ZNF184: variants seen among roughly 807,000 people sequenced by gnomAD.
ZNF184 encodes the protein zinc finger protein 184 (Kruppel-like).
ZNF184 carries 16 observed loss-of-function variants against 54.4 expected under a neutral mutation model. That is an observed-to-expected ratio of 0.29 (90% CI 0.20 to 0.45). The LOEUF (loss-of-function observed/expected upper bound fraction) is 0.45. ZNF184 is among the 20% of genes least tolerant of loss of function. ZNF184 has a pLI of 1.00. For missense variants in ZNF184, 681 were observed against 888.2 expected (o/e 0.77, Z 2.97); for synonymous variants, 254 against 295.3 (o/e 0.86, Z 1.43).
At chr6:27,466,057 G>T (rs6920010) in intron 3 of ZNF184, among the ~76,000 whole-genome samples, 99,054 of 151,924 alleles carry the variant, frequency 0.65, 32,602 homozygotes, top group Middle Eastern at 0.76. Flanking sequence ...GGTGAGCCTA[G>T]AGTAATCACA....
At chr6:27,430,837 A>G in the ZNF184 span, among the ~76,000 whole-genome samples, 35 of 152,338 alleles carry the variant, frequency 2.3e-4, no homozygotes, top group African/African-American at 7.9e-4. Flanking sequence ...TTTTACTACA[A>G]TTGCTAAAAG....
At chr6:27,457,185 T>C (rs1762877481) in intron 4 of ZNF184, 98 bp downstream of exon 4, 1 of 1,454,740 alleles carries the variant, frequency 6.9e-7, no homozygotes, top group Non-Finnish European at 9.3e-7. Context: ...AATTTAGAAA[T>C]GGTTGGTTAC....
At chr6:27,463,974 G>GCGCTA (rs1401286794) in intron 3 of ZNF184, among the ~76,000 whole-genome samples, 1 of 151,776 alleles carries the variant, frequency 6.6e-6, no homozygotes, top group African/African-American at 2.4e-5. Context: ...CTCAACCTTG[G>GCGCTA]CGCTATTGAT....
At chr6:27,444,072 C>T in the ZNF184 span, among the ~76,000 whole-genome samples, 2,609 of 152,236 alleles carry the variant, frequency 0.017, 47 homozygotes, top group African/African-American at 0.045. Flanking sequence ...TGGTACTACC[C>T]TCCAATCCTA....
In ZNF184 at chr6:27,472,188, C is replaced by G. The variant is rs1297109805; in HGVS notation, c.7+100G>C. 1.3e-5 allele frequency: 20 copies of G among 1,515,050 alleles called. No individual in the cohort carries two copies. Among genetic ancestry groups the G allele is most frequent in the Non-Finnish European group, 1.7e-5 (19 of 1,102,962 alleles). 93.9% of individuals were successfully genotyped at this position (1,515,050 alleles called of 1,614,324 possible). Reference sequence around the variant, plus strand: ...CTAATCCCTAAGCATACCGTTCCTTCCTTCCAAATCTCCTGCTCTGATCTC... The same window carrying G: ...CTAATCCCTAAGCATACCGTTCCTTGCTTCCAAATCTCCTGCTCTGATCTC... On this transcript the variant is annotated intron_variant, in intron 2 of 5. Coordinates refer to ENST00000683788, the MANE Select transcript of ZNF184 (RefSeq NM_001318891.2). The surrounding 1 kb of genome is among the most constrained non-coding windows in gnomAD (Gnocchi z 4.8).
intron 3 of ZNF184, among the ~76,000 whole-genome samples, chr6:27,460,402 T>C (rs1405742294): frequency 2.0e-5 from 3 of 152,224 alleles, no homozygotes; most frequent in Non-Finnish European, 4.4e-5. Flanking sequence ...GGACTAGCTC[T>C]TCCAATATAA....
At chr6:27,445,777 G>C (rs1216645054), downstream of ZNF184, among the ~76,000 whole-genome samples, 1 of 150,462 alleles carries the variant, frequency 6.6e-6, no homozygotes, top group African/African-American at 2.5e-5. Context: ...TGAGGTCCTA[G>C]ATGGAAATGA....
chr6:27,407,877 C>T, the ZNF184 span: 1 of 825,034 alleles, frequency 1.2e-6, no homozygotes. Context: ...AGGGAGTGAA[C>T]AGGCACCACT....
chr6:27,424,747 G>A, the ZNF184 span, among the ~76,000 whole-genome samples: 1 of 152,226 alleles, frequency 6.6e-6, no homozygotes, highest in Non-Finnish European at 1.5e-5. Context: ...CCAGATTCAG[G>A]AGCCCAGCTG....
Position 27,452,605 on chromosome 6 carries a change from C to A in ZNF184, c.954G>T (p.Arg318Ser). 6.2e-7 allele frequency: 1 copy of A among 1,613,584 alleles called. No homozygotes were observed. Among genetic ancestry groups the A allele is most frequent in the Non-Finnish European group, 8.5e-7 (1 of 1,179,920 alleles). Residue 318 changes from arginine to serine, a missense_variant, in exon 6 of 6, where the codon AGG becomes AGT. Arg to Ser is a moderately radical substitution (Grantham distance 110). Coordinates refer to ENST00000683788, the MANE Select transcript of ZNF184 (RefSeq NM_001318891.2). The surrounding 1 kb of genome is among the most constrained non-coding windows in gnomAD (Gnocchi z 5.5). The stretch of plus-strand genomic sequence containing the variant: ...TTCTCTGATGCTGAACAAGATGGGT[C>A]CTCTGACTAAAGGCTTTCCCACATT... ...CDECGKAFSQ[R>S]THLVQHQRIH...
Position 27,452,090 on chromosome 6 carries a change from G to A in ZNF184, c.1469C>T (p.Thr490Ile), listed in dbSNP as rs1055822914. Residue 490 changes from threonine (T) to isoleucine (I), a missense_variant, in exon 6 of 6, where the codon ACT becomes ATT. Physicochemically the swap from Thr to Ile is moderately conservative, Grantham distance 89. Transcript: ENST00000683788. The surrounding 1 kb of genome is among the most constrained non-coding windows in gnomAD (Gnocchi z 5.5). The stretch of plus-strand genomic sequence containing the variant: ...TCTCGTGTGAATTCTCCGATGTTGA[G>A]TAAGGGATGAGCAGTAACTGAAGGC... ...GKAFSYCSSL[T>I]QHRRIHTREK... 2 of 1,613,990 alleles carry A rather than the reference G, an allele frequency of 1.2e-6. No homozygotes were observed. The highest frequency in any genetic ancestry group is 1.7e-6 in the Non-Finnish European group (2 of 1,179,992).
chr6:27,407,331 C>A, the ZNF184 span, among the ~76,000 whole-genome samples: 1 of 152,344 alleles, frequency 6.6e-6, no homozygotes, highest in Admixed American at 6.5e-5. Flanking sequence ...CTGCTTGAGC[C>A]AGCTGCTCCC....
chr6:27,442,850 G>GA, the ZNF184 span, among the ~76,000 whole-genome samples: 3 of 61,740 alleles, frequency 4.9e-5, 1 homozygote, highest in East Asian at 4.3e-4. Flanking sequence ...AAGAAAGAAA[G>GA]AAAGAAAGAA....
Position 27,457,330 on chromosome 6 carries a change from A to G in ZNF184, c.155T>C (p.Leu52Ser). The stretch of plus-strand genomic sequence containing the variant: ...ATTTTCCAATGTCACATCCCTGAAC[A>G]AATCTCTCTGGCCAGGGTCCAGCTG... ...WKQLDPGQRD[L>S]FRDVTLENYT... Residue 52 changes from leucine (L) to serine (S), a missense_variant, in exon 4 of 6, where the codon TTG becomes TCG. Transcript: ENST00000683788. 6.2e-7 allele frequency: 1 copy of G among 1,614,120 alleles called. No homozygotes were observed. The highest frequency in any genetic ancestry group is 1.3e-5 in the African/African-American group (1 of 75,036).
chr6:27,442,880 A>AAGAAAG, the ZNF184 span, among the ~76,000 whole-genome samples: 79 of 86,262 alleles, frequency 9.2e-4, 6 homozygotes, highest in African/African-American at 2.6e-3. Context: ...GAAAGAAAGA[A>AAGAAAG]AAAGAAAAAA....
chr6:27,466,195 T>G (rs765125449), intron 3 of ZNF184, among the ~76,000 whole-genome samples: 109 of 152,062 alleles, frequency 7.2e-4, no homozygotes, highest in Non-Finnish European at 1.1e-3. Flanking sequence ...GCCACAGTAC[T>G]AGCTTTGAAG....
chr6:27,416,231 A>G, the ZNF184 span, among the ~76,000 whole-genome samples: 1 of 152,226 alleles, frequency 6.6e-6, no homozygotes. Context: ...CCTTGTCTAT[A>G]AAATGAGAAT....
At chr6:27,450,231 A>G (rs1762684302), downstream of ZNF184, among the ~76,000 whole-genome samples, 1 of 152,204 alleles carries the variant, frequency 6.6e-6, no homozygotes, top group Admixed American at 6.5e-5. Context: ...TCCTAAGGCA[A>G]TTAGTCTCTG....
the ZNF184 span, chr6:27,405,187 A>T: frequency 6.6e-6 from 1 of 152,206 alleles, no homozygotes; most frequent in Non-Finnish European, 1.5e-5. Context: ...CTACTTATTT[A>T]AAAAAAGTTA....
Sources: gnomAD v4.1 joint callset for allele counts (sites outside exome capture counted in the v4.1 genomes callset) on GRCh38, gnomAD v4.1.1 for gene constraint, Gnocchi (gnomAD v3.1) non-coding constraint, MANE v1.5 for transcripts, NCBI Gene and HGNC (gene_info 2026-07-23, HGNC 2026-07-21) for gene names.